The following ELOVL7 variants were observed in gnomAD, a reference collection of about 807,000 sequenced individuals.
ELOVL7 encodes ELOVL fatty acid elongase 7, also known as very long chain fatty acid elongase 7.
A neutral mutation model predicts 35.7 loss-of-function variants in ELOVL7; 27 were observed. The ratio of observed to expected loss-of-function variants is 0.76; its 90% CI spans 0.56 to 1.04. The LOEUF is 1.04. ELOVL7 is among the 50% of genes least tolerant of loss of function. ELOVL7 has a pLI of 0.00. For synonymous variants in ELOVL7, 113 were observed against 114.6 expected (o/e 0.99, Z 0.09); for missense variants, 327 against 340.8 (o/e 0.96, Z 0.32).
At position 60,781,449 on chromosome 5, in the gene ELOVL7, C is replaced by A. The variant is rs375970999; in HGVS notation, c.64+5885G>T. On this transcript the variant is annotated intron_variant, in intron 3 of 8. Coordinates refer to ENST00000508821, the MANE Select transcript of ELOVL7 (RefSeq NM_024930.3). Reference sequence around the variant, plus strand: ...ATATTTTATTTTATTCTTTCATTGACTCAGGAGGGGGAAAAATCAAATGAC... The same window carrying A: ...ATATTTTATTTTATTCTTTCATTGAATCAGGAGGGGGAAAAATCAAATGAC... Among the ~76,000 whole-genome samples the A allele has an allele frequency of 5.9e-5, 9 of 151,636 alleles. No individual in the cohort carries two copies. The East Asian group carries it at 1.7e-3, about 29-fold the overall frequency.
intron 2 of ELOVL7, among the ~76,000 whole-genome samples, chr5:60,794,448 CA>C (rs1402014241): frequency 6.6e-6 from 1 of 152,190 alleles, no homozygotes; most frequent in Non-Finnish European, 1.5e-5. Flanking sequence ...GATCAGAAGG[CA>C]GAACTCTGGG....
chr5:60,836,236 T>G (rs1462436318), intron 1 of ELOVL7, among the ~76,000 whole-genome samples: 2 of 152,062 alleles, frequency 1.3e-5, no homozygotes, highest in African/African-American at 4.8e-5. Flanking sequence ...GAAGAATGAA[T>G]AGTGGTTCTC....
intron 1 of ELOVL7, among the ~76,000 whole-genome samples, chr5:60,838,776 C>A (rs1746979992): frequency 6.6e-6 from 1 of 152,134 alleles, no homozygotes; most frequent in South Asian, 2.1e-4. Context: ...GTAATCCCAG[C>A]ACTTTGGGAG....
intron 1 of ELOVL7, among the ~76,000 whole-genome samples, chr5:60,814,899 G>C (rs1745434395): frequency 6.6e-6 from 1 of 152,138 alleles, no homozygotes. Context: ...TACAGGGCTG[G>C]AGACTCACCT....
intron 1 of ELOVL7, among the ~76,000 whole-genome samples, chr5:60,800,030 C>CAAAAAAAAAAAAA (rs58041305): frequency 1.2e-5 from 1 of 86,198 alleles, no homozygotes; most frequent in Non-Finnish European, 2.2e-5. Context: ...AACTCCATCT[C>CAAAAAAAAAAAAA]AAAAAAAAAA....
At chr5:60,760,074 T>C (rs1561419933) in intron 7 of ELOVL7, among the ~76,000 whole-genome samples, 1 of 152,246 alleles carries the variant, frequency 6.6e-6, no homozygotes, top group Non-Finnish European at 1.5e-5. Context: ...GTCTTTGTTA[T>C]TGTGAATAGT....
chr5:60,766,610 A>C lies in ELOVL7; in HGVS notation c.357T>G (p.Leu119=), dbSNP rs2112158805. The change falls in exon 6 of 9, where the codon CTT becomes CTG. Residue 119 remains leucine, a synonymous_variant. Transcript: ENST00000508821. ...GCTCAATAAATTTGGAGAAGTAATAAAGCCAGCAGGTACGTGCCATCTGCA... is the reference window on the plus strand; with the variant it reads ...GCTCAATAAATTTGGAGAAGTAATACAGCCAGCAGGTACGTGCCATCTGCA... ...TALRMARTCW[L]YYFSKFIELL... 6.2e-7 allele frequency: 1 copy of C among 1,613,280 alleles called. No individual in the cohort carries two copies. Among genetic ancestry groups the C allele is most frequent in the East Asian group, 2.2e-5 (1 of 44,850 alleles).
At chr5:60,822,280 A>C (rs1341619461) in intron 1 of ELOVL7, among the ~76,000 whole-genome samples, 1 of 152,188 alleles carries the variant, frequency 6.6e-6, no homozygotes, top group Non-Finnish European at 1.5e-5. Flanking sequence ...AGCGCTGAAA[A>C]GGTGAAATAT....
At chr5:60,797,332 T>A (rs1744323938) in intron 2 of ELOVL7, among the ~76,000 whole-genome samples, 1 of 152,240 alleles carries the variant, frequency 6.6e-6, no homozygotes, top group Non-Finnish European at 1.5e-5. Context: ...CTCCTTGGTA[T>A]TTTATGTATC....
intron 2 of ELOVL7, among the ~76,000 whole-genome samples, chr5:60,796,568 A>G (rs1057136877): frequency 1.3e-5 from 2 of 152,242 alleles, no homozygotes; most frequent in South Asian, 2.1e-4. Flanking sequence ...GTTGAGAACT[A>G]TTGTTCTAAA....
chr5:60,778,197 AG>A (rs1743025462), intron 3 of ELOVL7, among the ~76,000 whole-genome samples: 1 of 152,188 alleles, frequency 6.6e-6, no homozygotes, highest in South Asian at 2.1e-4. Flanking sequence ...AACCACCACA[AG>A]GAAGGCTTGC....
At chr5:60,805,404 A>G (rs1254589213) in intron 1 of ELOVL7, among the ~76,000 whole-genome samples, 1 of 152,240 alleles carries the variant, frequency 6.6e-6, no homozygotes, top group African/African-American at 2.4e-5. Flanking sequence ...AAGGTAGATT[A>G]CAGTGGTGGC....
In ELOVL7 at chr5:60,832,457, C is replaced by T. The variant is rs981221481; in HGVS notation, c.-86+11703G>A. The stretch of plus-strand genomic sequence containing the variant: ...CTTGGCTCACAGCAACCTCTGCCTC[C>T]TGGGTTCAAGCAATTCTCTTGCATT... On this transcript the variant is annotated intron_variant, in intron 1 of 8. Coordinates refer to ENST00000508821, the MANE Select transcript of ELOVL7 (RefSeq NM_024930.3). Among the ~76,000 whole-genome samples, 26 of 152,240 alleles carry T rather than the reference C, an allele frequency of 1.7e-4. No individual in the cohort carries two copies. In the South Asian group the frequency reaches 5.0e-3, roughly 29 times the overall value.
intron 2 of ELOVL7, among the ~76,000 whole-genome samples, chr5:60,791,631 C>T (rs892356984): frequency 6.6e-6 from 1 of 152,168 alleles, no homozygotes; most frequent in African/African-American, 2.4e-5. Flanking sequence ...AGAAAAAACT[C>T]TACTACTTTT....
intron 6 of ELOVL7, among the ~76,000 whole-genome samples, chr5:60,765,148 A>G (rs1742160532): frequency 1.3e-5 from 2 of 152,238 alleles, no homozygotes; most frequent in South Asian, 4.1e-4. Context: ...GGAACTGAGA[A>G]CATGCAAAGC....
Position 60,840,500 on chromosome 5 carries a change from C to T in ELOVL7, c.-86+3660G>A, listed in dbSNP as rs928255931. ...TCAGAAGGGTTCAACACTGCTGACA[C>T]CCTAATTTTAGACTTGTAGCCTCCA... On this transcript the variant is annotated intron_variant, in intron 1 of 8. Transcript: ENST00000508821. Among the ~76,000 whole-genome samples the T allele has an allele frequency of 2.0e-5, 3 of 152,140 alleles. No individual in the cohort carries two copies. The South Asian group carries it at 6.2e-4, about 32-fold the overall frequency.
At chr5:60,838,439 A>G (rs1240650498) in intron 1 of ELOVL7, among the ~76,000 whole-genome samples, 1 of 152,138 alleles carries the variant, frequency 6.6e-6, no homozygotes, top group African/African-American at 2.4e-5. Context: ...TTTGTAACTT[A>G]CATTTACTTG....
intron 1 of ELOVL7, among the ~76,000 whole-genome samples, chr5:60,801,628 G>A (rs775274219): frequency 7.2e-5 from 11 of 151,958 alleles, no homozygotes; most frequent in East Asian, 1.9e-4. Flanking sequence ...GCTTGAGCCC[G>A]GGAGGTCAAG....
At chr5:60,804,562 A>G (rs115230147) in intron 1 of ELOVL7, among the ~76,000 whole-genome samples, 1,687 of 152,306 alleles carry the variant, frequency 0.011, 17 homozygotes, top group South Asian at 0.042. Context: ...GATAGTGACC[A>G]CTGGGACCAA....
Sources: gnomAD v4.1 joint callset for allele counts (sites outside exome capture counted in the v4.1 genomes callset) on GRCh38, gnomAD v4.1.1 for gene constraint, MANE v1.5 for transcripts, NCBI Gene and HGNC (gene_info 2026-07-23, HGNC 2026-07-21) for gene names.